CNTN5: variants seen among roughly 807,000 people sequenced by gnomAD.
CNTN5 encodes contactin-5.
CNTN5 carries 77 observed loss-of-function variants against 129.1 expected under a neutral mutation model. That is an observed-to-expected ratio of 0.60 (90% CI 0.50 to 0.72). The LOEUF is 0.72. CNTN5 is among the 30% of genes least tolerant of loss of function. The pLI is 0.00. For missense variants in CNTN5, 1,478 were observed against 1,328.8 expected, an observed-to-expected ratio of 1.11 and a Z score of -1.75; for synonymous variants, 509 against 465.6, an observed-to-expected ratio of 1.09 and a Z score of -1.20.
chr11:99,633,877 G>C (rs1951453788), intron 3 of CNTN5, among the ~76,000 whole-genome samples: 1 of 152,210 alleles, frequency 6.6e-6, no homozygotes, highest in Non-Finnish European at 1.5e-5. Flanking sequence ...GAAGGAGCAT[G>C]ACCCACATGG....
chr11:99,260,883 AT>A (rs1862594451), intron 1 of CNTN5, among the ~76,000 whole-genome samples: 1 of 151,960 alleles, frequency 6.6e-6, no homozygotes, highest in Non-Finnish European at 1.5e-5. Context: ...TATGTATAAC[AT>A]CACTGATGGG....
rs146654193 is a variant in CNTN5, at chr11:99,725,318, G to A, written c.56-94226G>A. ...GGATTTTTTGTTTTTGAAAGGAGAA[G>A]GTAGATATAATTTGAAAACTATGAT... is the stretch of plus-strand genomic sequence containing the variant. On this transcript the variant is annotated intron_variant, in intron 3 of 24. Coordinates refer to ENST00000524871, the MANE Select transcript of CNTN5 (RefSeq NM_014361.4). Among the ~76,000 whole-genome samples the A allele has an allele frequency of 1.1e-3, 174 of 152,026 alleles. 2 individuals carry two copies. The East Asian group carries it at 0.02, about 18-fold the overall frequency.
intron 8 of CNTN5, among the ~76,000 whole-genome samples, chr11:99,991,611 G>A (rs571032019): frequency 6.6e-6 from 1 of 152,190 alleles, no homozygotes; most frequent in East Asian, 1.9e-4. Flanking sequence ...AGATAGAGCT[G>A]ACATGCAACC....
intron 3 of CNTN5, among the ~76,000 whole-genome samples, chr11:99,571,737 A>T (rs1166408254): frequency 1.3e-5 from 2 of 152,190 alleles, no homozygotes; most frequent in East Asian, 3.8e-4. Flanking sequence ...ATGGGTACAT[A>T]TCCTGGTCAT....
chr11:100,244,016 A>C (rs1316895250), intron 16 of CNTN5, among the ~76,000 whole-genome samples: 1 of 151,922 alleles, frequency 6.6e-6, no homozygotes, highest in Non-Finnish European at 1.5e-5. Context: ...CATTCTCATT[A>C]TTTACTTTTC....
At chr11:99,255,536 C>T (rs1476663767) in intron 1 of CNTN5, among the ~76,000 whole-genome samples, 1 of 151,120 alleles carries the variant, frequency 6.6e-6, no homozygotes, top group Admixed American at 6.6e-5. Flanking sequence ...ATATGAGATA[C>T]AAATCTAAGA....
At chr11:99,477,504 A>G (rs1274458713) in intron 2 of CNTN5, among the ~76,000 whole-genome samples, 3 of 152,090 alleles carry the variant, frequency 2.0e-5, no homozygotes, top group African/African-American at 7.2e-5. Flanking sequence ...AAATAGTAAT[A>G]AAGTTGATAA....
intron 3 of CNTN5, among the ~76,000 whole-genome samples, chr11:99,663,963 C>T (rs1952692381): frequency 6.6e-6 from 1 of 152,118 alleles, no homozygotes; most frequent in African/African-American, 2.4e-5. Context: ...ATTTATTGTA[C>T]TTATTGTTCA....
chr11:100,006,700 G>T (rs1266322020), intron 9 of CNTN5, among the ~76,000 whole-genome samples: 2 of 152,016 alleles, frequency 1.3e-5, no homozygotes, highest in African/African-American at 2.4e-5. Context: ...ATCCATGAGG[G>T]TTAGAACCAC....
intron 1 of CNTN5, among the ~76,000 whole-genome samples, chr11:99,319,372 TC>T (rs746183404): frequency 6.6e-6 from 1 of 152,192 alleles, no homozygotes; most frequent in Non-Finnish European, 1.5e-5. Flanking sequence ...TTCGTATTTT[TC>T]TTCAGGTGGA....
intron 7 of CNTN5, among the ~76,000 whole-genome samples, chr11:99,919,452 C>G (rs1301134252): frequency 6.6e-6 from 1 of 152,192 alleles, no homozygotes; most frequent in Non-Finnish European, 1.5e-5. Flanking sequence ...TCAGCTACTA[C>G]ATGATTTTTG....
intron 21 of CNTN5, chr11:100,336,850 A>G (rs1952047622): frequency 6.5e-6 from 3 of 463,302 alleles, no homozygotes; most frequent in Non-Finnish European, 1.2e-5. Context: ...AGAGAATCAC[A>G]ATCTAGATGT....
intron 13 of CNTN5, among the ~76,000 whole-genome samples, chr11:100,101,801 G>A (rs533450086): frequency 6.6e-6 from 1 of 152,072 alleles, no homozygotes; most frequent in Non-Finnish European, 1.5e-5. Context: ...TCGTAGCTTA[G>A]CTTCCATGTA....
intron 13 of CNTN5, among the ~76,000 whole-genome samples, chr11:100,114,293 T>A (rs1945765923): frequency 6.6e-6 from 1 of 152,118 alleles, no homozygotes; most frequent in South Asian, 2.1e-4. Context: ...ATTAATTCTA[T>A]ACCTAGAAGC....
At chr11:100,036,263 A>C (rs2137644967) in intron 9 of CNTN5, among the ~76,000 whole-genome samples, 1 of 152,204 alleles carries the variant, frequency 6.6e-6, no homozygotes, top group East Asian at 1.9e-4. Flanking sequence ...GGTTTGTCAA[A>C]GATCAGATAG....
chr11:100,327,591 G>C (rs913307115), intron 21 of CNTN5, among the ~76,000 whole-genome samples: 1 of 152,146 alleles, frequency 6.6e-6, no homozygotes, highest in Non-Finnish European at 1.5e-5. Context: ...ACATTTGTGG[G>C]TGTGATCATT....
intron 1 of CNTN5, among the ~76,000 whole-genome samples, chr11:99,302,452 A>G (rs1306783497): frequency 6.6e-6 from 1 of 151,804 alleles, no homozygotes; most frequent in African/African-American, 2.4e-5. Flanking sequence ...TATACTAAAA[A>G]TTAGATAACT....
intron 2 of CNTN5, among the ~76,000 whole-genome samples, chr11:99,472,715 C>G (rs1166724179): frequency 6.6e-6 from 1 of 152,062 alleles, no homozygotes; most frequent in Non-Finnish European, 1.5e-5. Context: ...GTTGCCCAGG[C>G]TGAAGTGCAG....
In CNTN5 at chr11:99,407,683, G is replaced by A. The variant is rs1942142280; in HGVS notation, c.-71+82199G>A. On this transcript the variant is annotated intron_variant, in intron 2 of 24. Transcript: ENST00000524871. The stretch of plus-strand genomic sequence containing the variant: ...CCTAAACTGCCTTTCAAGGTTATCT[G>A]GGGCCCCAGTGGCCTTTAGCTTGTA... 2.6e-5 allele frequency among the ~76,000 whole-genome samples: 4 copies of A among 152,116 alleles called. No homozygotes were observed. The South Asian group carries it at 8.3e-4, about 31-fold the overall frequency.
Sources: gnomAD v4.1 joint callset for allele counts (sites outside exome capture counted in the v4.1 genomes callset) on GRCh38, gnomAD v4.1.1 for gene constraint, MANE v1.5 for transcripts, NCBI Gene and HGNC (gene_info 2026-07-23, HGNC 2026-07-21) for gene names.